Variants in RANBP2 observed in about 807,000 individuals in gnomAD.
RANBP2 encodes E3 SUMO-protein ligase RanBP2.
RANBP2 carries 57 observed loss-of-function variants against 303.6 expected under a neutral mutation model. The ratio of observed to expected loss-of-function variants is 0.19; its 90% CI spans 0.15 to 0.23. The LOEUF (loss-of-function observed/expected upper bound fraction) is 0.23, where lower values mean the gene tolerates loss of function less well. Ranked by LOEUF, RANBP2 falls within the 10% of genes least tolerant of loss-of-function variation. The probability of loss-of-function intolerance (pLI) is 1.00; values close to 1 mark genes in which losing one functional copy is unlikely to be tolerated. For missense variants in RANBP2, 3,138 were observed against 3,780.8 expected (o/e 0.83, Z 4.46); for synonymous variants, 1,167 against 1,301.5 (o/e 0.90, Z 2.23).
chr2:109,692,292 G>C, the RANBP2 span, among the ~76,000 whole-genome samples: 1 of 152,018 alleles, frequency 6.6e-6, no homozygotes, highest in Admixed American at 6.6e-5. Flanking sequence ...CCTCAGGCTG[G>C]GGGCGGTGGG....
At chr2:108,730,965 A>G in intron 3 of RANBP2, 80 bp downstream of exon 3, 4 of 1,479,680 alleles carry the variant, frequency 2.7e-6, no homozygotes, top group Non-Finnish European at 3.7e-6. Flanking sequence ...TAAGTCAAAT[A>G]TATTTTATGA....
chr2:109,518,915 C>CT, the RANBP2 span, among the ~76,000 whole-genome samples: 6,200 of 110,858 alleles, frequency 0.056, 380 homozygotes, highest in African/African-American at 0.12. Context: ...TGCTACATAT[C>CT]TTTTTTTTTT....
the RANBP2 span, chr2:109,129,774 C>T: frequency 4.5e-6 from 7 of 1,539,130 alleles, no homozygotes; most frequent in South Asian, 1.2e-5. Context: ...ACACTTTCTG[C>T]CGCCGCTGCC....
At chr2:109,356,077 T>C in the RANBP2 span, among the ~76,000 whole-genome samples, 2 of 152,172 alleles carry the variant, frequency 1.3e-5, no homozygotes, top group African/African-American at 4.8e-5. Flanking sequence ...CAAACATTCC[T>C]CTTTGGAGGT....
the RANBP2 span, among the ~76,000 whole-genome samples, chr2:109,476,595 C>T: frequency 3.9e-5 from 6 of 152,214 alleles, no homozygotes; most frequent in Admixed American, 3.3e-4. Flanking sequence ...GAGCCTCAAA[C>T]ACATGGTTAT....
the RANBP2 span, among the ~76,000 whole-genome samples, chr2:109,463,465 C>T: frequency 6.6e-6 from 1 of 152,222 alleles, no homozygotes; most frequent in Non-Finnish European, 1.5e-5. Context: ...AGAAGTGTGA[C>T]TCCAGAGCTT....
At chr2:108,914,663 C>A in the RANBP2 span, among the ~76,000 whole-genome samples, 11 of 152,218 alleles carry the variant, frequency 7.2e-5, no homozygotes, top group African/African-American at 2.7e-4. Context: ...TTCAGTTTTG[C>A]AAATAATAAA....
chr2:108,814,314 G>A, the RANBP2 span, among the ~76,000 whole-genome samples: 2 of 152,068 alleles, frequency 1.3e-5, no homozygotes, highest in Non-Finnish European at 2.9e-5. Context: ...CTTCCAGTGG[G>A]TGTGTAGTAG....
chr2:109,247,564 ACT>A, the RANBP2 span, among the ~76,000 whole-genome samples: 1 of 151,246 alleles, frequency 6.6e-6, no homozygotes, highest in Non-Finnish European at 1.5e-5. Context: ...CTGTGCAGAA[ACT>A]CTTGCCTGGT....
At chr2:109,325,888 G>A in the RANBP2 span, among the ~76,000 whole-genome samples, 13 of 152,226 alleles carry the variant, frequency 8.5e-5, no homozygotes. Context: ...AGAGAGGGTT[G>A]AAAGTATGCA....
chr2:109,374,512 G>C, the RANBP2 span, among the ~76,000 whole-genome samples: 1 of 152,194 alleles, frequency 6.6e-6, no homozygotes, highest in South Asian at 2.1e-4. Context: ...AGGCATTTGA[G>C]GTGGGAACTT....
At chr2:108,996,328 C>A in the RANBP2 span, among the ~76,000 whole-genome samples, 1 of 152,172 alleles carries the variant, frequency 6.6e-6, no homozygotes, top group African/African-American at 2.4e-5. Flanking sequence ...ACGTTTAAGT[C>A]CAGCACAGTT....
chr2:109,436,755 G>A, the RANBP2 span: 1 of 1,362,032 alleles, frequency 7.3e-7, no homozygotes, highest in Non-Finnish European at 9.8e-7. Flanking sequence ...GACGGGCATT[G>A]TTTTAGGACC....
chr2:108,827,748 G>A, the RANBP2 span, among the ~76,000 whole-genome samples: 546 of 151,444 alleles, frequency 3.6e-3, 3 homozygotes, highest in African/African-American at 0.013. Context: ...CCCAGGAGGC[G>A]GAGCTTGCAG....
the RANBP2 span, among the ~76,000 whole-genome samples, chr2:109,732,443 A>T: frequency 6.6e-6 from 1 of 150,608 alleles, no homozygotes; most frequent in Non-Finnish European, 1.5e-5. Context: ...CAAGGCAGGG[A>T]CTTCCCTCTT....
chr2:108,775,832 C>G lies in RANBP2; in HGVS notation c.8393C>G (p.Ser2798Cys), dbSNP rs1677845847. The G allele has an allele frequency of 1.2e-6, 2 of 1,613,798 alleles. No individual in the cohort carries two copies. Among genetic ancestry groups the G allele is most frequent in the Admixed American group, 3.3e-5 (2 of 60,028 alleles). ...TTCTGTAAATCTGAAGAACCTGATTCTATTACCAAATCCATTAGTTCACCA... is the reference window on the plus strand; with the variant it reads ...TTCTGTAAATCTGAAGAACCTGATTGTATTACCAAATCCATTAGTTCACCA... ...PSFCKSEEPD[S>C]ITKSISSPSV... The change falls in exon 24 of 29, where the codon TCT (serine) becomes TGT (cysteine). Residue 2798 changes from serine to cysteine, a missense_variant. This residue lies in a region of RANBP2 where 497 missense variants were observed against 465.8 expected (regional missense o/e 1.07). Transcript: ENST00000283195.
chr2:109,188,401 C>T, the RANBP2 span, among the ~76,000 whole-genome samples: 74,520 of 152,104 alleles, frequency 0.49, 19,334 homozygotes, highest in South Asian at 0.61. Context: ...TGCTGCTCAG[C>T]GGGGTCTGGG....
downstream of RANBP2, among the ~76,000 whole-genome samples, chr2:108,789,308 A>G (rs1034653404): frequency 2.6e-5 from 4 of 152,142 alleles, no homozygotes; most frequent in South Asian, 2.1e-4. Context: ...AAAAGGAACT[A>G]TGGGCCAGGT....
the RANBP2 span, among the ~76,000 whole-genome samples, chr2:109,259,543 T>A: frequency 6.6e-6 from 1 of 152,224 alleles, no homozygotes; most frequent in Non-Finnish European, 1.5e-5. Flanking sequence ...TGCCTTAACA[T>A]CCCAAGAGGC....
Sources: gnomAD v4.1 joint callset for allele counts (sites outside exome capture counted in the v4.1 genomes callset) on GRCh38, gnomAD v4.1.1 for gene constraint, gnomAD v4.1.1 regional missense constraint, MANE v1.5 for transcripts, NCBI Gene and HGNC (gene_info 2026-07-23, HGNC 2026-07-21) for gene names.